Variants in SCYGR3 observed in about 807,000 individuals in gnomAD.
The protein encoded by SCYGR3 is small cysteine and glycine repeat containing 3.
At chr2:227,614,597 C>T (rs994120818) in exon 1 of SCYGR3, 12 of 398,650 alleles carry the variant, frequency 3.0e-5, no homozygotes, top group South Asian at 1.3e-4. Flanking sequence ...TTCCTACAGC[C>T]ACAGCCACAT....
At position 227,614,784 on chromosome 2, in the gene SCYGR3, G is replaced by A. The variant is rs546756202; in HGVS notation, c.57C>T (p.Cys19=). Residue 19 remains cysteine (C), a synonymous_variant, in exon 1 of 1, where the codon TGC becomes TGT. Coordinates refer to ENST00000642029, the Ensembl canonical transcript of SCYGR3. The stretch of plus-strand genomic sequence containing the variant: ...CGCAGCCACCACCGCAGCCACCACC[G>A]CAGCCACCACAGCCACCACCACAGC... 32 of 405,384 alleles carry A rather than the reference G, an allele frequency of 7.9e-5. No individual in the cohort carries two copies. In the South Asian group the frequency reaches 9.6e-4, roughly 12 times the overall value. The allele number at this position is 405,384 out of a possible 1,614,324, so 25.1% of individuals were successfully genotyped here.
At chr2:227,614,792 C>G (rs925565937) in exon 1 of SCYGR3, 1 of 408,188 alleles carries the variant, frequency 2.4e-6, no homozygotes, top group Non-Finnish European at 4.3e-6. Flanking sequence ...CCGCAGCCAC[C>G]ACAGCCACCA....
exon 1 of SCYGR3, chr2:227,614,792 C>A: frequency 2.4e-6 from 1 of 408,186 alleles, no homozygotes; most frequent in Non-Finnish European, 4.3e-6. Flanking sequence ...CCGCAGCCAC[C>A]ACAGCCACCA....
chr2:227,614,620 C>T (rs1376154649), exon 1 of SCYGR3: 6 of 398,596 alleles, frequency 1.5e-5, no homozygotes, highest in South Asian at 1.3e-4. Flanking sequence ...GCGGCAGGTG[C>T]GGCGGCAGCA....
At chr2:227,614,693 A>G (rs1195218622) in exon 1 of SCYGR3, 5 of 398,796 alleles carry the variant, frequency 1.3e-5, no homozygotes, top group Non-Finnish European at 2.2e-5. Context: ...CAGCAGCTGG[A>G]GCAGCAGCCC....
At chr2:227,614,649 G>A (rs917955443) in exon 1 of SCYGR3, 5 of 398,798 alleles carry the variant, frequency 1.3e-5, no homozygotes, top group Non-Finnish European at 2.2e-5. Context: ...CAGGTGTGCT[G>A]CAACAGCCTC....
At chr2:227,614,620 C>A (rs1376154649) in exon 1 of SCYGR3, 1 of 398,596 alleles carries the variant, frequency 2.5e-6, no homozygotes, top group African/African-American at 2.1e-5. Context: ...GCGGCAGGTG[C>A]GGCGGCAGCA....
At chr2:227,614,635 A>C in exon 1 of SCYGR3, 1 of 398,780 alleles carries the variant, frequency 2.5e-6, no homozygotes, top group Middle Eastern at 6.3e-4. Context: ...GCAGCAGCAG[A>C]TCACAGGTGT....
At chr2:227,614,708 G>A (rs1266016327) in exon 1 of SCYGR3, 12 of 399,102 alleles carry the variant, frequency 3.0e-5, no homozygotes, top group Middle Eastern at 6.2e-4. Flanking sequence ...CAGCCCACCC[G>A]GTAGCACCTG....
exon 1 of SCYGR3, chr2:227,614,656 C>T (rs921943026): frequency 2.8e-5 from 11 of 398,830 alleles, no homozygotes; most frequent in African/African-American, 1.6e-4. Context: ...GCTGCAACAG[C>T]CTCCACAGCA....
exon 1 of SCYGR3, chr2:227,614,754 A>C: frequency 2.5e-6 from 1 of 401,426 alleles, no homozygotes; most frequent in East Asian, 3.6e-5. Flanking sequence ...CACCACAGCC[A>C]CCACCGCAGC....
exon 1 of SCYGR3, chr2:227,614,547 G>A: frequency 2.5e-6 from 1 of 398,796 alleles, no homozygotes; most frequent in Non-Finnish European, 4.4e-6. Flanking sequence ...CCTAACAGCA[G>A]CATTGCTTCT....
exon 1 of SCYGR3, chr2:227,614,649 GCAACAGCCT>G (rs1368708966): frequency 2.1e-4 from 82 of 398,910 alleles, no homozygotes; most frequent in South Asian, 1.1e-3. Context: ...CAGGTGTGCT[GCAACAGCCT>G]CCACAGCAGC....
Sources: gnomAD v4.1 joint callset for allele counts on GRCh38, gnomAD v4.1.1 for gene constraint, MANE v1.5 for transcripts, NCBI Gene and HGNC (gene_info 2026-07-23, HGNC 2026-07-21) for gene names.